RSBN1: variants seen among roughly 807,000 people sequenced by gnomAD.
The protein encoded by RSBN1 is round spermatid basic protein 1, also known as lysine-specific demethylase 9.
Under a neutral mutation model 74.8 loss-of-function variants are expected in RSBN1, and 23 were observed. The observed-to-expected ratio is 0.31, with a 90% CI of 0.22 to 0.44. RSBN1 has a LOEUF of 0.44. Among genes scored for constraint, RSBN1 ranks in the 20% least tolerant of loss-of-function variants. The pLI, the probability that RSBN1 is intolerant of heterozygous loss-of-function variation, is 1.00. For missense variants in RSBN1, 808 were observed against 1,020.9 expected, an observed-to-expected ratio of 0.79 and a Z score of 2.84; for synonymous variants, 407 against 379.6, an observed-to-expected ratio of 1.07 and a Z score of -0.84.
intron 5 of RSBN1, among the ~76,000 whole-genome samples, 169 bp from the exon 6 acceptor site, chr1:113,767,376 A>T (rs959606066): frequency 9.2e-5 from 14 of 152,214 alleles, no homozygotes; most frequent in African/African-American, 3.4e-4. Context: ...ACTAAAGCTT[A>T]AAAAGCCATA....
chr1:113,775,380 C>T (rs984309305), intron 4 of RSBN1, among the ~76,000 whole-genome samples: 13 of 150,656 alleles, frequency 8.6e-5, no homozygotes, highest in African/African-American at 2.9e-4. Context: ...CTTACTCTGT[C>T]GTCCAGGCTG....
chr1:113,766,610 C>G (rs886927495), intron 6 of RSBN1, among the ~76,000 whole-genome samples, 157 bp from the exon 7 acceptor site: 5 of 152,176 alleles, frequency 3.3e-5, no homozygotes, highest in African/African-American at 1.2e-4. Context: ...TCTAAAAATT[C>G]TTGTAATGCC....
intron 4 of RSBN1, among the ~76,000 whole-genome samples, chr1:113,773,703 C>G (rs1353370209): frequency 6.6e-6 from 1 of 151,706 alleles, no homozygotes; most frequent in Non-Finnish European, 1.5e-5. Flanking sequence ...GGAATTTTTA[C>G]TAAGAATATA....
chr1:113,794,755 A>G (rs533665773), intron 2 of RSBN1, among the ~76,000 whole-genome samples: 1 of 152,228 alleles, frequency 6.6e-6, no homozygotes, highest in African/African-American at 2.4e-5. Context: ...ACCTCTACTC[A>G]AGTAGTACTC....
At chr1:113,803,458 C>T (rs902139155) in intron 1 of RSBN1, among the ~76,000 whole-genome samples, 2 of 152,152 alleles carry the variant, frequency 1.3e-5, no homozygotes, top group Admixed American at 1.3e-4. Flanking sequence ...GTATTCCCAA[C>T]AATAATGAAT....
chr1:113,792,001 T>C (rs1000483255), intron 2 of RSBN1, among the ~76,000 whole-genome samples: 2 of 152,188 alleles, frequency 1.3e-5, no homozygotes, highest in African/African-American at 4.8e-5. Context: ...TTTTTGTTTT[T>C]CTCTGGAACC....
At chr1:113,805,854 G>T (rs1328126021) in intron 1 of RSBN1, among the ~76,000 whole-genome samples, 1 of 152,142 alleles carries the variant, frequency 6.6e-6, no homozygotes, top group Non-Finnish European at 1.5e-5. Context: ...TCTCTAAAGA[G>T]CCGAACAGCA....
chr1:113,763,271 C>G lies in RSBN1; in HGVS notation c.*2709G>C, dbSNP rs1359252845. 1 of 152,752 alleles carries G rather than the reference C, an allele frequency of 6.5e-6. No individual in the cohort carries two copies. Among genetic ancestry groups the G allele is most frequent in the Non-Finnish European group, 1.5e-5 (1 of 68,022 alleles). 9.5% of individuals were successfully genotyped at this position (152,752 alleles called of 1,614,324 possible). A position where few individuals can be genotyped will look rare whatever the true frequency, so the allele number is the denominator to read the frequency against. ...ATAAGCACATTTAAAAACCATCCCT[C>G]TGCTCCACAAAATATTAAAACTTAT... On this transcript the variant is annotated 3_prime_UTR_variant, in exon 7 of 7. Coordinates refer to ENST00000261441, the MANE Select transcript of RSBN1 (RefSeq NM_018364.5).
intron 2 of RSBN1, among the ~76,000 whole-genome samples, chr1:113,792,483 C>T (rs1313365010): frequency 4.6e-5 from 7 of 152,076 alleles, no homozygotes; most frequent in Non-Finnish European, 1.0e-4. Flanking sequence ...CAGGAGAATC[C>T]GTTGAGACCA....
chr1:113,806,668 C>G (rs1660704330), intron 1 of RSBN1, among the ~76,000 whole-genome samples: 1 of 150,456 alleles, frequency 6.6e-6, no homozygotes, highest in Admixed American at 6.6e-5. Flanking sequence ...TGGATATCAA[C>G]AAAATTTAAA....
chr1:113,792,680 A>G (rs751424098), intron 2 of RSBN1, among the ~76,000 whole-genome samples: 4 of 152,190 alleles, frequency 2.6e-5, no homozygotes, highest in African/African-American at 7.2e-5. Context: ...GTACTGGGGT[A>G]CAGTGGAGTA....
intron 2 of RSBN1, among the ~76,000 whole-genome samples, chr1:113,782,756 T>C (rs1008399531): frequency 2.6e-5 from 4 of 152,218 alleles, no homozygotes; most frequent in African/African-American, 9.6e-5. Flanking sequence ...CTAATTTAGA[T>C]TGACATTAAC....
At chr1:113,794,296 C>A (rs1334348835) in intron 2 of RSBN1, among the ~76,000 whole-genome samples, 1 of 152,186 alleles carries the variant, frequency 6.6e-6, no homozygotes, top group Admixed American at 6.5e-5. Flanking sequence ...TCATATCCTG[C>A]ACCACCAATT....
At chr1:113,775,718 T>C (rs1660012070) in intron 4 of RSBN1, among the ~76,000 whole-genome samples, 1 of 152,150 alleles carries the variant, frequency 6.6e-6, no homozygotes, top group African/African-American at 2.4e-5. Context: ...GAGGAAAGAT[T>C]ACAGAACAAA....
intron 1 of RSBN1, among the ~76,000 whole-genome samples, chr1:113,801,639 T>G (rs1199730785): frequency 1.3e-5 from 2 of 152,212 alleles, no homozygotes; most frequent in Non-Finnish European, 2.9e-5. Flanking sequence ...TATTTCCCCA[T>G]AGTGCAAAAG....
chr1:113,811,022 C>A (rs1660829193), intron 1 of RSBN1, among the ~76,000 whole-genome samples: 1 of 152,154 alleles, frequency 6.6e-6, no homozygotes, highest in Admixed American at 6.5e-5. Context: ...GAATCAAATG[C>A]AACTGAAATT....
intron 2 of RSBN1, among the ~76,000 whole-genome samples, chr1:113,791,849 T>C (rs530081220): frequency 1.3e-5 from 2 of 152,226 alleles, no homozygotes; most frequent in Non-Finnish European, 1.5e-5. Flanking sequence ...TCTGAGCTAT[T>C]TCCCAAGCTA....
At chr1:113,792,597 T>C (rs1660388659) in intron 2 of RSBN1, among the ~76,000 whole-genome samples, 1 of 152,208 alleles carries the variant, frequency 6.6e-6, no homozygotes, top group African/African-American at 2.4e-5. Context: ...CTAGCTACTC[T>C]AGAGGCTGAG....
rs188172497 is a variant in RSBN1 at position 113,811,558 on chromosome 1, A to C, written c.703+152T>G. On this transcript the variant is annotated intron_variant, in intron 1 of 6. Coordinates refer to ENST00000261441, the MANE Select transcript of RSBN1 (RefSeq NM_018364.5). ...CAAGTAGTTAGATCAAACCGTGTCA[A>C]CGATCTGAAATCCAGGGTCCACCCC... The C allele has an allele frequency of 5.4e-4, 707 of 1,312,386 alleles. 1 individual carries two copies. The highest frequency in any genetic ancestry group is 6.4e-4 in the Non-Finnish European group (659 of 1,023,542). 81.3% of individuals were successfully genotyped at this position (1,312,386 alleles called of 1,614,324 possible).
Sources: gnomAD v4.1 joint callset for allele counts (sites outside exome capture counted in the v4.1 genomes callset) on GRCh38, gnomAD v4.1.1 for gene constraint, MANE v1.5 for transcripts, NCBI Gene and HGNC (gene_info 2026-07-23, HGNC 2026-07-21) for gene names.